The following COMT variants were observed in gnomAD, a reference collection of about 807,000 sequenced individuals.
COMT encodes the protein catechol O-methyltransferase.
Under a neutral mutation model 18.9 loss-of-function variants are expected in COMT, and 13 were observed. That is an observed-to-expected ratio of 0.69 (90% CI 0.45 to 1.09). COMT has a LOEUF of 1.09. COMT is among the 50% of genes least tolerant of loss of function. COMT has a pLI of 0.00. For missense variants in COMT, 329 were observed against 361.8 expected, an observed-to-expected ratio of 0.91 and a Z score of 0.73; for synonymous variants, 150 against 160.9, an observed-to-expected ratio of 0.93 and a Z score of 0.51.
intron 4 of COMT, 140 bp downstream of exon 4, chr22:19,963,899 C>G (rs1942268535): frequency 8.0e-7 from 1 of 1,253,462 alleles, no homozygotes; most frequent in African/African-American, 1.5e-5. Flanking sequence ...TCAGTGCTTC[C>G]CAGCCTGGGG....
At chr22:19,965,157 G>A (rs1261016637) in intron 5 of COMT, 2 of 155,172 alleles carry the variant, frequency 1.3e-5, no homozygotes, top group Non-Finnish European at 2.9e-5. Context: ...GGCAGAGAAT[G>A]TTCCAGGAAC....
chr22:19,961,472 G>C (rs1315179764), intron 2 of COMT, among the ~76,000 whole-genome samples, 183 bp downstream of exon 2: 7 of 152,186 alleles, frequency 4.6e-5, no homozygotes, highest in Non-Finnish European at 1.0e-4. Flanking sequence ...CTGCTTCCCT[G>C]TTCTCTTCTG....
At chr22:19,958,574 TTA>T (rs1491199109) in intron 1 of COMT, among the ~76,000 whole-genome samples, 4 of 47,380 alleles carry the variant, frequency 8.4e-5, no homozygotes, top group African/African-American at 2.5e-4. Context: ...GTTATTTTCC[TTA>T]AAAAAAAAAA....
chr22:19,968,615 ACGTGCGC>A lies in COMT; in HGVS notation c.696_702del (p.His232GlnfsTer55), dbSNP rs1569138454. The A allele has an allele frequency of 6.2e-7, 1 of 1,614,044 alleles. No individual in the cohort carries two copies. Among genetic ancestry groups the A allele is most frequent in the South Asian group, 1.1e-5 (1 of 91,082 alleles). On this transcript the variant is annotated frameshift_variant, in exon 6 of 6. Coordinates refer to ENST00000361682, the MANE Select transcript of COMT (RefSeq NM_000754.4). LOFTEE classifies it low-confidence loss of function (END_TRUNC). ...CCAGGTGCGCCAGACTTCCTAGCAC[ACGTGCGC>A]GGGAGCAGCTGCTTTGAGTGCACAC...
At chr22:19,946,383 G>T (rs924457695) in intron 1 of COMT, among the ~76,000 whole-genome samples, 1 of 152,114 alleles carries the variant, frequency 6.6e-6, no homozygotes, top group Non-Finnish European at 1.5e-5. Flanking sequence ...AACTACTCGG[G>T]AGGCTGAAGT....
intron 1 of COMT, among the ~76,000 whole-genome samples, chr22:19,960,976 G>T (rs1942179411): frequency 6.6e-6 from 1 of 152,218 alleles, no homozygotes; most frequent in African/African-American, 2.4e-5. Context: ...TGCCCCTGGG[G>T]TCCCTGGCTG....
chr22:19,964,072 CTGTG>C, intron 4 of COMT, 92 bp from the exon 5 acceptor site: 1 of 1,609,224 alleles, frequency 6.2e-7, no homozygotes. Flanking sequence ...GGCCTCCTGT[CTGTG>C]TGGGCGTGGG....
intron 5 of COMT, among the ~76,000 whole-genome samples, chr22:19,966,215 G>T (rs918973441): frequency 6.6e-6 from 1 of 152,290 alleles, no homozygotes; most frequent in Admixed American, 6.5e-5. Context: ...CAGGGCTGGG[G>T]CCCTGTGCCC....
At chr22:19,954,098 C>T (rs911694513) in intron 1 of COMT, among the ~76,000 whole-genome samples, 2 of 152,254 alleles carry the variant, frequency 1.3e-5, no homozygotes, top group Admixed American at 6.5e-5. Context: ...CAGCCCAGCC[C>T]TTGCATCTGC....
intron 1 of COMT, among the ~76,000 whole-genome samples, chr22:19,945,393 C>G (rs1485765245): frequency 6.6e-6 from 1 of 152,194 alleles, no homozygotes; most frequent in Admixed American, 6.5e-5. Flanking sequence ...ATAGCTGATT[C>G]TATGTGCATC....
intron 5 of COMT, chr22:19,964,908 C>T (rs1386959115): frequency 1.4e-5 from 3 of 212,668 alleles, no homozygotes; most frequent in Admixed American, 5.2e-5. Flanking sequence ...CCATCCCTCC[C>T]TGGTGGTCAG....
At chr22:19,944,838 A>C (rs796084828) in intron 1 of COMT, among the ~76,000 whole-genome samples, 9 of 152,276 alleles carry the variant, frequency 5.9e-5, no homozygotes, top group African/African-American at 2.2e-4. Flanking sequence ...AAAACAAAAC[A>C]AAACAAAACA....
intron 1 of COMT, among the ~76,000 whole-genome samples, chr22:19,947,454 G>C (rs1422155810): frequency 6.6e-6 from 1 of 152,198 alleles, no homozygotes; most frequent in Non-Finnish European, 1.5e-5. Context: ...CAAGACAAGG[G>C]GGCAGGGTAA....
At chr22:19,950,582 G>C (rs1420516904) in intron 1 of COMT, among the ~76,000 whole-genome samples, 1 of 146,214 alleles carries the variant, frequency 6.8e-6, no homozygotes, top group African/African-American at 2.6e-5. Flanking sequence ...GCGAGCCCCT[G>C]ATGGGGCAGG....
intron 1 of COMT, among the ~76,000 whole-genome samples, chr22:19,955,022 T>G (rs528217188): frequency 5.3e-5 from 8 of 152,208 alleles, no homozygotes; most frequent in South Asian, 2.1e-4. Context: ...TATTGTGGTG[T>G]TGTTTTAGAG....
chr22:19,963,858 G>T (rs1328452054), intron 4 of COMT, 99 bp downstream of exon 4: 1 of 1,429,024 alleles, frequency 7.0e-7, no homozygotes, highest in East Asian at 2.5e-5. Context: ...TTCACACCAC[G>T]TTCACTGAAA....
chr22:19,960,987 G>A (rs1942179561), intron 1 of COMT, among the ~76,000 whole-genome samples: 1 of 152,184 alleles, frequency 6.6e-6, no homozygotes, highest in Admixed American at 6.5e-5. Context: ...TCCCTGGCTG[G>A]GGGACACTAG....
Position 19,962,591 on chromosome 22 carries a change from T to C in COMT, c.65T>C (p.Leu22Pro). 1 of 1,581,474 alleles carries C rather than the reference T, an allele frequency of 6.3e-7. No homozygotes were observed. Among genetic ancestry groups the C allele is most frequent in the Non-Finnish European group, 8.6e-7 (1 of 1,164,068 alleles). ...CTGGGCCTGGTGCTGCTGGTGGTGC[T>C]GCTGCTGCTTCTGAGGCACTGGGGC... ...VLLGLVLLVV[L>P]LLLLRHWGWG... Residue 22 changes from leucine (L) to proline (P), a missense_variant, in exon 3 of 6, where the codon CTG (leucine) becomes CCG (proline). Coordinates refer to ENST00000361682, the MANE Select transcript of COMT (RefSeq NM_000754.4).
At chr22:19,960,476 A>G (rs1942169039) in intron 1 of COMT, among the ~76,000 whole-genome samples, 1 of 152,370 alleles carries the variant, frequency 6.6e-6, no homozygotes, top group South Asian at 2.1e-4. Context: ...TCTTCCTGCC[A>G]GAATAAGGAC....
Sources: gnomAD v4.1 joint callset for allele counts (sites outside exome capture counted in the v4.1 genomes callset) on GRCh38, gnomAD v4.1.1 for gene constraint, MANE v1.5 for transcripts, NCBI Gene and HGNC (gene_info 2026-07-23, HGNC 2026-07-21) for gene names.